The following LINGO2 variants were observed in gnomAD, a reference collection of about 807,000 sequenced individuals.
LINGO2 encodes leucine-rich repeat and immunoglobulin-like domain-containing nogo receptor-interacting protein 2.
In LINGO2, 14 loss-of-function variants were observed where a neutral mutation model predicts 30.6. That is an observed-to-expected ratio of 0.46 (90% confidence interval 0.30 to 0.72). The LOEUF is 0.72. Ranked by LOEUF, LINGO2 falls within the 30% of genes least tolerant of loss-of-function variation. LINGO2 has a pLI of 0.07. For missense variants in LINGO2, 729 were observed against 751.7 expected (o/e 0.97, Z 0.35); for synonymous variants, 317 against 288.5 (o/e 1.10, Z -1.00).
intron 4 of LINGO2, among the ~76,000 whole-genome samples, chr9:28,084,062 A>G (rs1040303754): frequency 2.0e-5 from 3 of 152,162 alleles, no homozygotes; most frequent in Admixed American, 6.6e-5. Flanking sequence ...TGAAATATTA[A>G]TTAAAAGAAA....
intron 2 of LINGO2, among the ~76,000 whole-genome samples, chr9:28,445,476 G>C (rs929043025): frequency 6.6e-6 from 1 of 152,156 alleles, no homozygotes; most frequent in African/African-American, 2.4e-5. Flanking sequence ...GAAATAAACT[G>C]GAGAAATAGC....
chr9:28,959,645 C>CAG, the LINGO2 span, among the ~76,000 whole-genome samples: 3,549 of 149,908 alleles, frequency 0.024, 133 homozygotes, highest in African/African-American at 0.081. Flanking sequence ...CACACACACA[C>CAG]AGAGAACAAT....
chr9:28,689,725 T>C, the LINGO2 span, among the ~76,000 whole-genome samples: 2 of 152,114 alleles, frequency 1.3e-5, no homozygotes, highest in Non-Finnish European at 2.9e-5. Flanking sequence ...CAAGGTAATA[T>C]AAATCATTCT....
intron 1 of LINGO2, among the ~76,000 whole-genome samples, chr9:28,619,880 A>G (rs933880729): frequency 6.6e-6 from 1 of 152,142 alleles, no homozygotes; most frequent in African/African-American, 2.4e-5. Context: ...GGTTTCTTGA[A>G]TAAGAAATGC....
the LINGO2 span, among the ~76,000 whole-genome samples, chr9:29,016,093 G>A: frequency 3.3e-5 from 5 of 152,136 alleles, no homozygotes; most frequent in Non-Finnish European, 7.4e-5. Context: ...TTACTTCAGA[G>A]ATTCTGATTC....
At chr9:28,356,265 T>C (rs1047822152) in intron 3 of LINGO2, among the ~76,000 whole-genome samples, 1 of 152,188 alleles carries the variant, frequency 6.6e-6, no homozygotes, top group African/African-American at 2.4e-5. Flanking sequence ...GATGTTCCTC[T>C]AGTTCCAAGC....
the LINGO2 span, among the ~76,000 whole-genome samples, chr9:29,189,886 CCTGCAAT>C: frequency 1.3e-5 from 2 of 151,474 alleles, 1 homozygote; most frequent in African/African-American, 4.9e-5. Flanking sequence ...GCAGCGCGCG[CCTGCAAT>C]CGCAGGCACT....
chr9:28,177,456 T>C (rs1828779980), intron 4 of LINGO2, among the ~76,000 whole-genome samples: 1 of 152,200 alleles, frequency 6.6e-6, no homozygotes, highest in African/African-American at 2.4e-5. Context: ...AGTTCATAGA[T>C]ACATGTGCAA....
intron 3 of LINGO2, among the ~76,000 whole-genome samples, chr9:28,327,672 C>A (rs897084813): frequency 5.9e-5 from 9 of 152,078 alleles, no homozygotes; most frequent in African/African-American, 2.2e-4. Context: ...CATCTTTGTG[C>A]TAACATCTAA....
At chr9:28,578,482 GTTCT>G (rs1587899492) in intron 1 of LINGO2, among the ~76,000 whole-genome samples, 3 of 152,004 alleles carry the variant, frequency 2.0e-5, no homozygotes, top group African/African-American at 7.2e-5. Flanking sequence ...ATTATAGAAA[GTTCT>G]TTATTTTATA....
At chr9:28,236,732 C>T (rs1380510013) in intron 4 of LINGO2, among the ~76,000 whole-genome samples, 5 of 151,672 alleles carry the variant, frequency 3.3e-5, no homozygotes, top group Admixed American at 6.6e-5. Flanking sequence ...TACCAAAGGC[C>T]GGGAAGGGTA....
At chr9:28,542,575 T>C (rs1193751375) in intron 1 of LINGO2, among the ~76,000 whole-genome samples, 1 of 151,928 alleles carries the variant, frequency 6.6e-6, no homozygotes, top group African/African-American at 2.4e-5. Flanking sequence ...AGCCAGAAAA[T>C]ACCAGAATAA....
chr9:28,668,839 G>C (rs1033613430), intron 1 of LINGO2, among the ~76,000 whole-genome samples: 17 of 151,952 alleles, frequency 1.1e-4, no homozygotes, highest in Admixed American at 1.1e-3. Flanking sequence ...TAAATGACAG[G>C]CAGTTTTGTG....
At chr9:29,014,911 A>G in the LINGO2 span, among the ~76,000 whole-genome samples, 10 of 152,178 alleles carry the variant, frequency 6.6e-5, no homozygotes, top group African/African-American at 9.7e-5. Context: ...TCTGACATAC[A>G]TTATAATAAA....
chr9:28,624,065 A>AT (rs950528987), intron 1 of LINGO2, among the ~76,000 whole-genome samples: 6 of 151,974 alleles, frequency 3.9e-5, no homozygotes, highest in African/African-American at 1.4e-4. Context: ...CAGTTCTAAT[A>AT]TTTTTTGTTA....
chr9:28,666,651 T>C (rs978551591), intron 1 of LINGO2, among the ~76,000 whole-genome samples: 1 of 152,206 alleles, frequency 6.6e-6, no homozygotes, highest in Non-Finnish European at 1.5e-5. Flanking sequence ...AATGGCATCA[T>C]GTGGTGAGCA....
At chr9:28,445,104 A>G (rs995902195) in intron 2 of LINGO2, among the ~76,000 whole-genome samples, 3 of 152,204 alleles carry the variant, frequency 2.0e-5, no homozygotes, top group African/African-American at 7.2e-5. Context: ...CAGGGTCCAG[A>G]GCCTGTGCTC....
At chr9:28,677,948 A>G in the LINGO2 span, among the ~76,000 whole-genome samples, 2 of 151,502 alleles carry the variant, frequency 1.3e-5, no homozygotes, top group Non-Finnish European at 2.9e-5. Context: ...ATCCATCTAC[A>G]TGTTATCATT....
intron 5 of LINGO2, among the ~76,000 whole-genome samples, chr9:27,994,296 T>A (rs1821545462): frequency 6.6e-6 from 1 of 151,226 alleles, no homozygotes; most frequent in African/African-American, 2.4e-5. Context: ...GAAATAAAGA[T>A]CAAAGCAGAA....
Sources: allele counts gnomAD v4.1 joint callset (sites outside exome capture counted in the v4.1 genomes callset), GRCh38; gene constraint gnomAD v4.1.1; transcripts MANE v1.5; gene names NCBI Gene and HGNC (gene_info 2026-07-23, HGNC 2026-07-21).